Variants in TBC1D19 observed in about 807,000 individuals in gnomAD.
The protein encoded by TBC1D19 is TBC1 domain family member 19, also known as TBC1 domain family, member 19.
Under a neutral mutation model 89.0 loss-of-function variants are expected in TBC1D19, and 60 were observed. That is an observed-to-expected ratio of 0.67 (90% CI 0.55 to 0.84). The LOEUF (loss-of-function observed/expected upper bound fraction) is 0.84, where lower values mean the gene tolerates loss of function less well. TBC1D19 is among the 40% of genes least tolerant of loss of function. TBC1D19 has a pLI of 0.00. For synonymous variants in TBC1D19, 189 were observed against 199.7 expected (o/e 0.95, Z 0.45); for missense variants, 500 against 610.8 (o/e 0.82, Z 1.91).
the TBC1D19 span, among the ~76,000 whole-genome samples, chr4:26,804,276 G>C: frequency 6.6e-6 from 1 of 152,044 alleles, no homozygotes; most frequent in South Asian, 2.1e-4. Flanking sequence ...CTCCCGAGTA[G>C]CTGGGATCAC....
At chr4:26,593,844 G>A (rs1181546185) in intron 1 of TBC1D19, among the ~76,000 whole-genome samples, 2 of 152,120 alleles carry the variant, frequency 1.3e-5, no homozygotes, top group Non-Finnish European at 2.9e-5. Context: ...GAAACAACAG[G>A]TGCTGGAGAG....
At chr4:26,670,693 A>G (rs1712219814) in intron 9 of TBC1D19, among the ~76,000 whole-genome samples, 1 of 151,780 alleles carries the variant, frequency 6.6e-6, no homozygotes, top group African/African-American at 2.4e-5. Flanking sequence ...GAATATTACC[A>G]GCATCTCAGA....
intron 4 of TBC1D19, among the ~76,000 whole-genome samples, chr4:26,632,836 T>A (rs1440023818): frequency 1.3e-5 from 2 of 152,150 alleles, no homozygotes; most frequent in East Asian, 3.8e-4. Context: ...CCAGATTGTC[T>A]AATGTCAATT....
rs1462150681 is a variant in TBC1D19 at position 26,720,064 on chromosome 4, A to G, written c.1040-17A>G. 9.5e-6 allele frequency: 15 copies of G among 1,584,764 alleles called. No homozygotes were observed. The highest frequency in any genetic ancestry group is 2.7e-5 in the African/African-American group (2 of 73,650). ...TTACTTAATCATATTGAAATCCTCT[A>G]TGGTTTTCTCTTATAGGAAAACTAG... On this transcript the variant is annotated splice_polypyrimidine_tract_variant and intron_variant, in intron 14 of 20. Coordinates refer to ENST00000264866, the MANE Select transcript of TBC1D19 (RefSeq NM_018317.4).
intron 10 of TBC1D19, among the ~76,000 whole-genome samples, chr4:26,672,440 A>G (rs1712401152): frequency 6.6e-6 from 1 of 152,000 alleles, no homozygotes; most frequent in Admixed American, 6.6e-5. Flanking sequence ...GCAGACACAT[A>G]TTCCTCAGGG....
intron 12 of TBC1D19, among the ~76,000 whole-genome samples, chr4:26,687,184 A>G (rs970220096): frequency 6.6e-6 from 1 of 152,166 alleles, no homozygotes; most frequent in Non-Finnish European, 1.5e-5. Flanking sequence ...ATTTACTTAT[A>G]AATAGATGAA....
chr4:26,688,586 A>G (rs1375755912), intron 13 of TBC1D19, among the ~76,000 whole-genome samples, 179 bp downstream of exon 13: 2 of 152,054 alleles, frequency 1.3e-5, no homozygotes, highest in East Asian at 1.9e-4. Flanking sequence ...ATTAGATAGG[A>G]GAATAAGAGT....
chr4:26,792,594 G>A, the TBC1D19 span, among the ~76,000 whole-genome samples: 1 of 152,348 alleles, frequency 6.6e-6, no homozygotes, highest in East Asian at 1.9e-4. Context: ...GGGATGCATT[G>A]GCTGAAGCAA....
chr4:26,592,327 G>C (rs1418584019), intron 1 of TBC1D19, among the ~76,000 whole-genome samples: 1 of 152,110 alleles, frequency 6.6e-6, no homozygotes, highest in Non-Finnish European at 1.5e-5. Flanking sequence ...AGGTATTGAT[G>C]GGACATATCT....
chr4:26,607,855 G>A (rs1741109246), intron 1 of TBC1D19, among the ~76,000 whole-genome samples: 1 of 152,108 alleles, frequency 6.6e-6, no homozygotes, highest in South Asian at 2.1e-4. Flanking sequence ...ATTCTACACC[G>A]GTCCTTTAAA....
At chr4:26,689,370 T>G (rs910740337) in intron 13 of TBC1D19, among the ~76,000 whole-genome samples, 1 of 152,156 alleles carries the variant, frequency 6.6e-6, no homozygotes, top group African/African-American at 2.4e-5. Flanking sequence ...AAAAATCTTC[T>G]TCTAAAAGTT....
At chr4:26,740,614 C>G in intron 17 of TBC1D19, 1 of 979,904 alleles carries the variant, frequency 1.0e-6, no homozygotes, top group Non-Finnish European at 1.2e-6. Context: ...TTGGCTGTTC[C>G]TTTATCATAT....
chr4:26,737,729 C>T (rs765672090), intron 16 of TBC1D19, among the ~76,000 whole-genome samples: 9 of 152,178 alleles, frequency 5.9e-5, no homozygotes, highest in Middle Eastern at 6.8e-3. Flanking sequence ...AAAATAATCA[C>T]AAATCATCCC....
intron 18 of TBC1D19, 51 bp from the exon 19 acceptor site, chr4:26,748,360 A>C: frequency 7.3e-7 from 1 of 1,362,038 alleles, no homozygotes; most frequent in African/African-American, 1.4e-5. Context: ...TTGCATTTTC[A>C]TGAGAAAAAA....
At chr4:26,857,588 G>A in the TBC1D19 span, 1 of 152,146 alleles carries the variant, frequency 6.6e-6, no homozygotes, top group Non-Finnish European at 1.5e-5. Context: ...CCACAGAGTG[G>A]GAGCCGGAAG....
At chr4:26,604,321 T>A (rs1393354254) in intron 1 of TBC1D19, among the ~76,000 whole-genome samples, 3 of 151,036 alleles carry the variant, frequency 2.0e-5, no homozygotes, top group Non-Finnish European at 4.4e-5. Context: ...CCCGGCTAAT[T>A]TTTTGAATTT....
chr4:26,636,450 A>G (rs1182632253), intron 4 of TBC1D19, among the ~76,000 whole-genome samples: 3 of 150,522 alleles, frequency 2.0e-5, no homozygotes, highest in African/African-American at 7.3e-5. Context: ...ACATTCTAAG[A>G]GATAACTGGC....
chr4:26,771,602 T>C, the TBC1D19 span, among the ~76,000 whole-genome samples: 1 of 152,188 alleles, frequency 6.6e-6, no homozygotes, highest in Non-Finnish European at 1.5e-5. Context: ...CACTTATATA[T>C]GGTATCTAAA....
the TBC1D19 span, among the ~76,000 whole-genome samples, chr4:26,800,700 A>G: frequency 6.6e-6 from 1 of 152,176 alleles, no homozygotes; most frequent in Non-Finnish European, 1.5e-5. Flanking sequence ...TCCTCATTCT[A>G]ACTGGTGTGA....
Sources: gnomAD v4.1 joint callset for allele counts (sites outside exome capture counted in the v4.1 genomes callset) on GRCh38, gnomAD v4.1.1 for gene constraint, MANE v1.5 for transcripts, NCBI Gene and HGNC (gene_info 2026-07-23, HGNC 2026-07-21) for gene names.